Variants in EPHA4 observed in about 807,000 individuals in gnomAD.
The protein encoded by EPHA4 is ephrin type-A receptor 4.
EPHA4 carries 19 observed loss-of-function variants against 108.3 expected under a neutral mutation model. The ratio of observed to expected loss-of-function variants is 0.18; its 90% confidence interval spans 0.12 to 0.26. The LOEUF is 0.26. EPHA4 is among the 10% of genes least tolerant of loss of function. EPHA4 has a pLI of 1.00. For synonymous variants in EPHA4, 449 were observed against 455.5 expected, an observed-to-expected ratio of 0.99 and a Z score of 0.18; for missense variants, 917 against 1,254.0, an observed-to-expected ratio of 0.73 and a Z score of 4.06.
At chr2:221,520,397 C>A (rs79245474) in intron 3 of EPHA4, among the ~76,000 whole-genome samples, 4,012 of 152,236 alleles carry the variant, frequency 0.026, 116 homozygotes, top group Admixed American at 0.072. Context: ...TCTGTATACA[C>A]AGCACTTCTG....
chr2:221,523,279 T>C (rs1217370346), intron 3 of EPHA4, among the ~76,000 whole-genome samples: 30 of 152,044 alleles, frequency 2.0e-4, no homozygotes, highest in Non-Finnish European at 4.4e-5. Context: ...CTAACTAATA[T>C]ATTTAGTCAA....
At chr2:221,430,180 A>T (rs775911403) in intron 14 of EPHA4, 29 bp from the exon 15 acceptor site, 2 of 1,566,550 alleles carry the variant, frequency 1.3e-6, no homozygotes, top group East Asian at 2.3e-5. Flanking sequence ...TGGTATGTTA[A>T]GCTGCCAGGC....
chr2:221,514,424 A>G (rs556787320), intron 3 of EPHA4, among the ~76,000 whole-genome samples: 8 of 152,240 alleles, frequency 5.3e-5, no homozygotes, highest in Non-Finnish European at 1.2e-4. Context: ...TGGCAAGTGG[A>G]GCTGGTCCCA....
rs144668880 is a variant in EPHA4, at chr2:221,491,678, C to G, written c.980-8988G>C. ...AGCTAGTACTACTTCCCAGATGATC[C>G]TCTTTTATCATTTTCATGGGGATTA... is the stretch of plus-strand genomic sequence containing the variant. On this transcript the variant is annotated intron_variant, in intron 4 of 17. Transcript: ENST00000281821. Among the ~76,000 whole-genome samples, 25 of 152,174 alleles carry G rather than the reference C, an allele frequency of 1.6e-4. No individual in the cohort carries two copies. The East Asian group carries it at 4.6e-3, about 28-fold the overall frequency.
At chr2:221,457,221 T>C (rs1690986695) in intron 6 of EPHA4, among the ~76,000 whole-genome samples, 1 of 152,182 alleles carries the variant, frequency 6.6e-6, no homozygotes, top group Non-Finnish European at 1.5e-5. Flanking sequence ...CAATAAGTGA[T>C]TATCTTTAAA....
At chr2:221,494,969 A>G (rs1182543638) in intron 4 of EPHA4, among the ~76,000 whole-genome samples, 1 of 150,296 alleles carries the variant, frequency 6.7e-6, no homozygotes, top group Non-Finnish European at 1.5e-5. Flanking sequence ...CTGAATGTGC[A>G]GAAATAATGG....
intron 8 of EPHA4, among the ~76,000 whole-genome samples, chr2:221,450,713 C>G (rs140800499): frequency 6.6e-6 from 1 of 151,990 alleles, no homozygotes; most frequent in African/African-American, 2.4e-5. Context: ...CTTCTTTTTC[C>G]TTATCCAGGT....
At chr2:221,432,050 G>T (rs1690091756) in intron 14 of EPHA4, among the ~76,000 whole-genome samples, 1 of 151,650 alleles carries the variant, frequency 6.6e-6, no homozygotes, top group African/African-American at 2.4e-5. Context: ...AGCAAGAAAT[G>T]GCTTCAGATG....
intron 3 of EPHA4, among the ~76,000 whole-genome samples, chr2:221,556,504 G>T (rs1428451274): frequency 1.3e-5 from 2 of 148,798 alleles, no homozygotes; most frequent in African/African-American, 4.9e-5. Context: ...TAGAGCTGGG[G>T]TTTCAACATA....
At chr2:221,566,989 A>G (rs1365167727) in intron 2 of EPHA4, among the ~76,000 whole-genome samples, 9 of 137,004 alleles carry the variant, frequency 6.6e-5, no homozygotes, top group Admixed American at 1.4e-4. Flanking sequence ...GAAGAAGAAG[A>G]AGAAGAAGAA....
At chr2:221,558,291 T>A (rs1330880938) in intron 3 of EPHA4, among the ~76,000 whole-genome samples, 1 of 152,170 alleles carries the variant, frequency 6.6e-6, no homozygotes, top group African/African-American at 2.4e-5. Context: ...TGTGTGTGTA[T>A]GTATGGGTGG....
At position 221,523,259 on chromosome 2, in the gene EPHA4, T is replaced by C. The variant is rs563556549; in HGVS notation, c.824-22087A>G. On this transcript the variant is annotated intron_variant, in intron 3 of 17. Coordinates refer to ENST00000281821, the MANE Select transcript of EPHA4 (RefSeq NM_004438.5). ...AACAACGCTAAGAAGTAGGGGCTAT[T>C]TTTAATTGGCTAACTAATATATTTA... Among the ~76,000 whole-genome samples the C allele has an allele frequency of 3.9e-5, 6 of 152,246 alleles. No homozygotes were observed. The South Asian group carries it at 1.2e-3, about 32-fold the overall frequency.
At chr2:221,507,870 A>C (rs1355357259) in intron 3 of EPHA4, among the ~76,000 whole-genome samples, 1 of 152,186 alleles carries the variant, frequency 6.6e-6, no homozygotes, top group Non-Finnish European at 1.5e-5. Flanking sequence ...CTCATCTCAG[A>C]AGCTTCTAAT....
chr2:221,571,251 C>T lies in EPHA4; in HGVS notation c.91+907G>A, dbSNP rs562084589. 7.2e-6 allele frequency among the ~76,000 whole-genome samples: 1 copy of T among 138,188 alleles called. No individual in the cohort carries two copies. The highest frequency in any genetic ancestry group is 1.6e-5 in the Non-Finnish European group (1 of 64,292). 90.7% of individuals were successfully genotyped at this position (138,188 alleles called of 152,430 possible). On this transcript the variant is annotated intron_variant, in intron 1 of 17. Coordinates refer to ENST00000281821, the MANE Select transcript of EPHA4 (RefSeq NM_004438.5). This position sits in a 1 kb window ranked among gnomAD's most constrained non-coding sequence, Gnocchi z 6.3. ...CACGCAGACATGCACACACACACCA[C>T]ACATACACACACACACACACACAGT...
chr2:221,503,001 G>GC (rs1349545347), intron 3 of EPHA4, among the ~76,000 whole-genome samples: 2 of 152,114 alleles, frequency 1.3e-5, no homozygotes, highest in Non-Finnish European at 2.9e-5. Flanking sequence ...GCTTAAGATG[G>GC]CCCTAGGGTT....
At chr2:221,520,527 CACACACACACACACACAG>C (rs1427355559) in intron 3 of EPHA4, among the ~76,000 whole-genome samples, 3 of 111,916 alleles carry the variant, frequency 2.7e-5, no homozygotes, top group African/African-American at 4.6e-5. Flanking sequence ...CACACACACA[CACACACACACACACACAG>C]AGAGAGAGAG....
At chr2:221,527,213 A>G (rs950062470) in intron 3 of EPHA4, among the ~76,000 whole-genome samples, 6 of 152,176 alleles carry the variant, frequency 3.9e-5, no homozygotes, top group Admixed American at 2.0e-4. Context: ...TAAATTCAAC[A>G]TGCTCCATGT....
chr2:221,424,607 G>A (rs1689845210), intron 17 of EPHA4, among the ~76,000 whole-genome samples: 1 of 152,190 alleles, frequency 6.6e-6, no homozygotes, highest in South Asian at 2.1e-4. Context: ...TTATGGATGA[G>A]CAGTGCATTT....
intron 3 of EPHA4, among the ~76,000 whole-genome samples, chr2:221,513,571 C>T (rs932985548): frequency 1.1e-4 from 17 of 152,212 alleles, no homozygotes; most frequent in Non-Finnish European, 2.4e-4. Context: ...TTCCCCAATG[C>T]TACAGTTATT....
Sources: allele counts gnomAD v4.1 joint callset (sites outside exome capture counted in the v4.1 genomes callset), GRCh38; gene constraint gnomAD v4.1.1; non-coding constraint Gnocchi (gnomAD v3.1); transcripts MANE v1.5; gene names NCBI Gene and HGNC (gene_info 2026-07-23, HGNC 2026-07-21).